FRMPD2: variants seen among roughly 807,000 people sequenced by gnomAD.
FRMPD2 encodes the protein FERM and PDZ domain containing 2.
Under a neutral mutation model 140.1 loss-of-function variants are expected in FRMPD2, and 96 were observed. That is an observed-to-expected ratio of 0.69 (90% CI 0.58 to 0.81). The LOEUF is 0.81. FRMPD2 is among the 40% of genes least tolerant of loss of function. The probability of loss-of-function intolerance (pLI) is 0.00; values close to 1 mark genes in which losing one functional copy is unlikely to be tolerated. For missense variants in FRMPD2, 1,240 were observed against 1,447.4 expected (o/e 0.86, Z 2.32); for synonymous variants, 449 against 547.6 (o/e 0.82, Z 2.52).
chr10:48,261,641 A>G (rs2131981913), intron 1 of FRMPD2, among the ~76,000 whole-genome samples: 1 of 152,318 alleles, frequency 6.6e-6, no homozygotes, highest in East Asian at 1.9e-4. Context: ...CTTGCCTTGC[A>G]AGAAATTTTA....
At chr10:48,257,367 C>T (rs985451960) in intron 1 of FRMPD2, among the ~76,000 whole-genome samples, 2 of 151,942 alleles carry the variant, frequency 1.3e-5, no homozygotes, top group African/African-American at 2.4e-5. Flanking sequence ...GCAACCTCCA[C>T]CTCCCAGGTT....
rs146571647 is a variant in FRMPD2, at chr10:48,191,726, G to T, written c.2165+958C>A. 2.0e-5 allele frequency among the ~76,000 whole-genome samples: 3 copies of T among 152,162 alleles called. No homozygotes were observed. The South Asian group carries it at 6.2e-4, about 32-fold the overall frequency. The stretch of plus-strand genomic sequence containing the variant: ...AACCTTCATTGGTCATATGCTGCCT[G>T]GGAATCTGTGCTATTTCTATAAATT... On this transcript the variant is annotated intron_variant, in intron 16 of 28. Coordinates refer to ENST00000374201, the MANE Select transcript of FRMPD2 (RefSeq NM_001018071.4).
chr10:48,223,140 G>T lies in FRMPD2; in HGVS notation c.1299C>A (p.Ser433Arg), dbSNP rs756991629. The T allele has an allele frequency of 1.2e-6, 2 of 1,613,678 alleles. No individual in the cohort carries two copies. Among genetic ancestry groups the T allele is most frequent in the African/African-American group, 2.7e-5 (2 of 74,934 alleles). ...GCACTCACTGGAGCAGCCCATAGTG[G>T]CTGACAAAGAACTTTATCCTCAGGA... ...TLFLRIKFFV[S>R]HYGLLQHSLT... Residue 433 changes from serine to arginine, a missense_variant, in exon 11 of 29, where the codon AGC becomes AGA. By Grantham distance (110) the Ser-to-Arg change is moderately radical (BLOSUM62 -1). Coordinates refer to ENST00000374201, the MANE Select transcript of FRMPD2 (RefSeq NM_001018071.4).
chr10:48,251,824 G>A (rs1840390988), intron 1 of FRMPD2, 133 bp from the exon 2 acceptor site: 2 of 956,840 alleles, frequency 2.1e-6, no homozygotes, highest in South Asian at 3.2e-5. Context: ...TTCAGCACCT[G>A]GGTCCCTGGG....
chr10:48,189,374 CA>C (rs1300114154), intron 16 of FRMPD2, among the ~76,000 whole-genome samples: 1 of 152,200 alleles, frequency 6.6e-6, no homozygotes, highest in East Asian at 1.9e-4. Context: ...GGCCACCTCT[CA>C]GGAGTGGGAG....
At chr10:48,242,061 T>A in intron 5 of FRMPD2, 100 bp downstream of exon 5, 1 of 873,834 alleles carries the variant, frequency 1.1e-6, no homozygotes, top group Non-Finnish European at 1.7e-6. Flanking sequence ...TTAATTTAAT[T>A]TTTTATTTTA....
At chr10:48,211,875 C>T in intron 13 of FRMPD2, 79 bp downstream of exon 13, 2 of 1,450,574 alleles carry the variant, frequency 1.4e-6, no homozygotes, top group Non-Finnish European at 1.9e-6. Context: ...ACCTGGGCCC[C>T]TTGAGAAGGC....
intron 1 of FRMPD2, among the ~76,000 whole-genome samples, chr10:48,266,821 G>A (rs758701080): frequency 3.9e-5 from 6 of 152,220 alleles, no homozygotes; most frequent in Non-Finnish European, 5.9e-5. Context: ...GTGGTGCCAG[G>A]GAAGGTGTAA....
intron 9 of FRMPD2, 143 bp from the exon 10 acceptor site, chr10:48,232,432 T>G (rs1176928881): frequency 1.5e-6 from 1 of 647,294 alleles, no homozygotes; most frequent in Non-Finnish European, 2.6e-6. Context: ...ACAATTCCTA[T>G]GCAGCAGATG....
chr10:48,272,798 A>C (rs1840792679), intron 1 of FRMPD2, among the ~76,000 whole-genome samples: 1 of 152,256 alleles, frequency 6.6e-6, no homozygotes, highest in South Asian at 2.1e-4. Context: ...CAAATTCAAA[A>C]ACTATGATCT....
At chr10:48,205,863 A>G (rs1460859743) in intron 14 of FRMPD2, among the ~76,000 whole-genome samples, 1 of 152,264 alleles carries the variant, frequency 6.6e-6, no homozygotes, top group Non-Finnish European at 1.5e-5. Context: ...GAAATAAAAG[A>G]AACATCCTGA....
At chr10:48,174,029 G>A (rs1292941208) in intron 24 of FRMPD2, among the ~76,000 whole-genome samples, 2 of 152,194 alleles carry the variant, frequency 1.3e-5, no homozygotes, top group African/African-American at 4.8e-5. Context: ...ATCAGAAGGT[G>A]CCAATAAATT....
At chr10:48,261,317 A>G (rs374369448) in intron 1 of FRMPD2, among the ~76,000 whole-genome samples, 28 of 152,196 alleles carry the variant, frequency 1.8e-4, no homozygotes, top group African/African-American at 6.5e-4. Context: ...AAGATAAATA[A>G]AAAAAACACA....
At position 48,251,559 on chromosome 10, in the gene FRMPD2, C is replaced by T; in HGVS notation, c.151+7G>A. On this transcript the variant is annotated splice_region_variant and intron_variant, in intron 2 of 28. Transcript: ENST00000374201. ...TGTGATTTGACTGCCCCCAAACACT[C>T]TCTTACCGTTGCGGAGGTCTTCCAG... 1.2e-6 allele frequency: 2 copies of T among 1,601,422 alleles called. No homozygotes were observed. The highest frequency in any genetic ancestry group is 8.5e-7 in the Non-Finnish European group (1 of 1,179,904).
rs536680567 is a variant in FRMPD2 at position 48,179,833 on chromosome 10, G to A, written c.2790+970C>T. Among the ~76,000 whole-genome samples, 48 of 152,342 alleles carry A rather than the reference G, an allele frequency of 3.2e-4. No homozygotes were observed. In the East Asian group the frequency reaches 8.7e-3, roughly 28 times the overall value. ...CTGTTTCAACCAGCAAGTTGTCCCA[G>A]CAAGAATGAGAAGGGCATACACTCA... On this transcript the variant is annotated intron_variant, in intron 21 of 28. Coordinates refer to ENST00000374201, the MANE Select transcript of FRMPD2 (RefSeq NM_001018071.4).
chr10:48,192,668 A>C lies in FRMPD2; in HGVS notation c.2165+16T>G, dbSNP rs375396407. ...CATGGTGGTTTGGGCCCAGAGAACA[A>C]ATGTGTCACACCCACCTGCGCCCGA... is the stretch of plus-strand genomic sequence containing the variant. On this transcript the variant is annotated intron_variant, in intron 16 of 28. Transcript: ENST00000374201. 118 of 1,610,256 alleles carry C rather than the reference A, an allele frequency of 7.3e-5. 1 individual carries two copies. The African/African-American group carries it at 1.5e-3, about 20-fold the overall frequency.
At chr10:48,219,457 C>T (rs1003447033) in intron 12 of FRMPD2, among the ~76,000 whole-genome samples, 2 of 152,260 alleles carry the variant, frequency 1.3e-5, no homozygotes, top group Non-Finnish European at 1.5e-5. Context: ...CCTACTGATA[C>T]ACCCAGAGAT....
intron 8 of FRMPD2, among the ~76,000 whole-genome samples, chr10:48,237,523 G>T (rs1839994524): frequency 6.6e-6 from 1 of 152,170 alleles, no homozygotes; most frequent in Non-Finnish European, 1.5e-5. Context: ...TTGACAGACA[G>T]ACAGGCACAT....
intron 20 of FRMPD2, 102 bp downstream of exon 20, chr10:48,184,464 T>A: frequency 1.4e-6 from 1 of 722,964 alleles, no homozygotes; most frequent in Non-Finnish European, 2.4e-6. Context: ...GAAAGCAATA[T>A]AGAAGACCTA....
Sources: allele counts gnomAD v4.1 joint callset (sites outside exome capture counted in the v4.1 genomes callset), GRCh38; gene constraint gnomAD v4.1.1; transcripts MANE v1.5; gene names NCBI Gene and HGNC (gene_info 2026-07-23, HGNC 2026-07-21).